Variants in SGCZ observed in about 807,000 individuals in gnomAD.
SGCZ encodes the protein sarcoglycan zeta, also known as zeta-sarcoglycan.
In SGCZ, 40 loss-of-function variants were observed where a neutral mutation model predicts 41.3. That is an observed-to-expected ratio of 0.97 (90% CI 0.75 to 1.26). The LOEUF is 1.26. Ranked by LOEUF, SGCZ falls within the 50% of genes most tolerant of loss-of-function variation. The pLI, the probability that SGCZ is intolerant of heterozygous loss-of-function variation, is 0.00. For synonymous variants in SGCZ, 206 were observed against 137.5 expected, an observed-to-expected ratio of 1.50 and a Z score of -3.49; for missense variants, 552 against 369.8, an observed-to-expected ratio of 1.49 and a Z score of -4.04.
intron 1 of SGCZ, among the ~76,000 whole-genome samples, chr8:14,982,356 C>T (rs961196267): frequency 1.3e-5 from 2 of 152,114 alleles, no homozygotes; most frequent in Admixed American, 6.5e-5. Flanking sequence ...ATGATTCGTT[C>T]GTTGTGTGAT....
intron 2 of SGCZ, among the ~76,000 whole-genome samples, chr8:14,393,695 C>T (rs1409644749): frequency 6.6e-6 from 1 of 152,134 alleles, no homozygotes; most frequent in Non-Finnish European, 1.5e-5. Flanking sequence ...TGCTCAATTC[C>T]TCCTGTGCCC....
At chr8:14,784,995 T>C (rs1021917495) in intron 1 of SGCZ, among the ~76,000 whole-genome samples, 1 of 144,432 alleles carries the variant, frequency 6.9e-6, no homozygotes, top group Non-Finnish European at 1.5e-5. Flanking sequence ...ATATTATATA[T>C]ATATAGCTTT....
rs141047911 is a variant in SGCZ at position 15,187,741 on chromosome 8, G to A, written c.39+49844C>T. On this transcript the variant is annotated intron_variant, in intron 1 of 7. Transcript: ENST00000382080. ...AATATCAAGATAACTATAGCCATAA[G>A]GTTTTTTAAAAAATAAGCTCTTCGT... 6.1e-3 allele frequency among the ~76,000 whole-genome samples: 923 copies of A among 151,914 alleles called. 11 individuals carry two copies. Among genetic ancestry groups the A allele is most frequent in the African/African-American group, 0.021 (864 of 41,482 alleles).
At chr8:14,809,162 G>A (rs201814360) in intron 1 of SGCZ, among the ~76,000 whole-genome samples, 11 of 151,736 alleles carry the variant, frequency 7.2e-5, no homozygotes, top group South Asian at 2.1e-4. Flanking sequence ...GCACACCAGC[G>A]TGGCACATGT....
intron 1 of SGCZ, among the ~76,000 whole-genome samples, chr8:14,766,884 A>C (rs537949546): frequency 1.8e-4 from 27 of 151,102 alleles, no homozygotes; most frequent in African/African-American, 6.2e-4. Flanking sequence ...GGCCTGATTT[A>C]CTTTTAATAG....
Position 14,992,885 on chromosome 8 carries a change from C to T in SGCZ, c.39+244700G>A, listed in dbSNP as rs537730516. ...GTTCCCCTCAATATTTACCTCTCGC[C>T]CATCCTCCTCATCCAATCTACTCCC... On this transcript the variant is annotated intron_variant, in intron 1 of 7. Coordinates refer to ENST00000382080, the MANE Select transcript of SGCZ (RefSeq NM_139167.4). Among the ~76,000 whole-genome samples the T allele has an allele frequency of 2.6e-4, 37 of 143,922 alleles. 1 individual carries two copies. Among genetic ancestry groups the T allele is most frequent in the Admixed American group, 1.8e-3 (25 of 13,942 alleles). 94.4% of individuals were successfully genotyped at this position (143,922 alleles called of 152,430 possible).
chr8:14,575,772 G>A (rs558752546), intron 1 of SGCZ, among the ~76,000 whole-genome samples: 25 of 152,074 alleles, frequency 1.6e-4, no homozygotes, highest in South Asian at 6.2e-4. Flanking sequence ...CTGGCATGGC[G>A]GAACATGCCT....
At chr8:14,413,985 A>G (rs1799428829) in intron 2 of SGCZ, among the ~76,000 whole-genome samples, 1 of 151,970 alleles carries the variant, frequency 6.6e-6, no homozygotes, top group Admixed American at 6.6e-5. Flanking sequence ...TAGATTATTA[A>G]TCGAGACTGT....
chr8:14,316,769 A>G (rs1168142285), intron 3 of SGCZ, among the ~76,000 whole-genome samples: 5 of 150,872 alleles, frequency 3.3e-5, no homozygotes, highest in African/African-American at 1.2e-4. Flanking sequence ...ATTCCCATCT[A>G]TTCTTACTTC....
At chr8:14,532,551 G>A (rs1803164642) in intron 2 of SGCZ, among the ~76,000 whole-genome samples, 1 of 151,876 alleles carries the variant, frequency 6.6e-6, no homozygotes, top group African/African-American at 2.4e-5. Context: ...CTGTTCTTAT[G>A]CTTTGTGGGA....
Position 14,533,183 on chromosome 8 carries a change from C to T in SGCZ, c.234+21549G>A, listed in dbSNP as rs1050178790. On this transcript the variant is annotated intron_variant, in intron 2 of 7. Transcript: ENST00000382080. ...CAACAGGCCCCGGTGTGTTGTCTTC[C>T]CCACCCTGTATCCAAGTGTTCTCAT... 1.4e-4 allele frequency among the ~76,000 whole-genome samples: 22 copies of T among 151,814 alleles called. 1 individual carries two copies. The highest frequency in any genetic ancestry group is 5.3e-4 in the African/African-American group (22 of 41,326).
chr8:14,633,938 A>T (rs1806742130), intron 1 of SGCZ, among the ~76,000 whole-genome samples: 1 of 151,942 alleles, frequency 6.6e-6, no homozygotes, highest in Admixed American at 6.6e-5. Flanking sequence ...CAATTTTCGC[A>T]GTTCAGAAAT....
intron 2 of SGCZ, among the ~76,000 whole-genome samples, chr8:14,352,183 T>C (rs1803123977): frequency 6.6e-6 from 1 of 152,026 alleles, no homozygotes; most frequent in South Asian, 2.1e-4. Flanking sequence ...CAAAAACTTG[T>C]GTGAAGACTC....
intron 1 of SGCZ, among the ~76,000 whole-genome samples, chr8:14,937,081 A>T (rs992853556): frequency 9.9e-5 from 15 of 151,874 alleles, no homozygotes; most frequent in African/African-American, 3.4e-4. Context: ...GATAAAAATG[A>T]AAAGTTTAAA....
intron 4 of SGCZ, among the ~76,000 whole-genome samples, chr8:14,205,729 T>A (rs549344111): frequency 6.6e-6 from 1 of 152,176 alleles, no homozygotes; most frequent in South Asian, 2.1e-4. Flanking sequence ...ACCAGCTTAA[T>A]GTGGTTGAAT....
intron 4 of SGCZ, among the ~76,000 whole-genome samples, chr8:14,198,477 T>C (rs1805348960): frequency 6.6e-6 from 1 of 152,084 alleles, no homozygotes; most frequent in Middle Eastern, 3.2e-3. Context: ...GTTGTAAAAC[T>C]ACCTATTGAA....
At chr8:14,107,325 T>A (rs1289491687) in intron 6 of SGCZ, among the ~76,000 whole-genome samples, 1 of 152,130 alleles carries the variant, frequency 6.6e-6, no homozygotes, top group Non-Finnish European at 1.5e-5. Flanking sequence ...GTAATAATTA[T>A]CCTGGGAAGA....
At chr8:14,856,952 G>A (rs977318585) in intron 1 of SGCZ, among the ~76,000 whole-genome samples, 2 of 152,104 alleles carry the variant, frequency 1.3e-5, no homozygotes, top group African/African-American at 4.8e-5. Flanking sequence ...TTGGATCCGT[G>A]TCTCTGCCCA....
chr8:14,595,398 CAA>C (rs1554459944), intron 1 of SGCZ, among the ~76,000 whole-genome samples: 1 of 106,580 alleles, frequency 9.4e-6, no homozygotes, highest in African/African-American at 3.4e-5. Flanking sequence ...CTAACATGCA[CAA>C]ACACACACAC....
Sources: allele counts gnomAD v4.1 joint callset (sites outside exome capture counted in the v4.1 genomes callset), GRCh38; gene constraint gnomAD v4.1.1; transcripts MANE v1.5; gene names NCBI Gene and HGNC (gene_info 2026-07-23, HGNC 2026-07-21).